Variants in PTPRG observed in about 807,000 individuals in gnomAD.
PTPRG encodes the protein protein tyrosine phosphatase receptor type G, also known as receptor-type tyrosine-protein phosphatase gamma.
In PTPRG, 102 loss-of-function variants were observed where a neutral mutation model predicts 165.3. The ratio of observed to expected loss-of-function variants is 0.62; its 90% confidence interval spans 0.53 to 0.73. The LOEUF (loss-of-function observed/expected upper bound fraction) is 0.73. Among genes scored for constraint, PTPRG ranks in the 30% least tolerant of loss-of-function variants. The pLI, the probability that PTPRG is intolerant of heterozygous loss-of-function variation, is 0.00. For missense variants in PTPRG, 1,866 were observed against 1,861.4 expected, an observed-to-expected ratio of 1.00 and a Z score of -0.05; for synonymous variants, 675 against 669.5, an observed-to-expected ratio of 1.01 and a Z score of -0.13.
chr3:62,043,160 G>A (rs147041690), intron 4 of PTPRG, among the ~76,000 whole-genome samples: 67 of 152,188 alleles, frequency 4.4e-4, no homozygotes, highest in Admixed American at 6.5e-4. Flanking sequence ...TGTTTAATTC[G>A]ATCACATAAA....
chr3:62,122,796 G>A (rs1458565711), intron 5 of PTPRG, among the ~76,000 whole-genome samples: 2 of 152,152 alleles, frequency 1.3e-5, no homozygotes, highest in South Asian at 2.1e-4. Context: ...CGGTGACATA[G>A]CAGCTGAGGT....
chr3:61,627,922 A>G (rs1425891061), intron 1 of PTPRG, among the ~76,000 whole-genome samples: 1 of 152,222 alleles, frequency 6.6e-6, no homozygotes, highest in Non-Finnish European at 1.5e-5. Flanking sequence ...ACCAAGCCAA[A>G]GGAAAATCTT....
chr3:62,099,699 G>A (rs1265040176), intron 5 of PTPRG, among the ~76,000 whole-genome samples: 1 of 150,872 alleles, frequency 6.6e-6, no homozygotes, highest in Admixed American at 6.6e-5. Context: ...TAGCAAACAC[G>A]TATATGGTTC....
In PTPRG at chr3:61,908,121, TAAAAAAAAAAAA is replaced by T. The variant is rs1183592777; in HGVS notation, c.191-81487_191-81476del. Among the ~76,000 whole-genome samples the T allele has an allele frequency of 1.9e-4, 13 of 67,152 alleles. No homozygotes were observed. The East Asian group carries it at 2.8e-3, about 15-fold the overall frequency. The allele number at this position is 67,152 out of a possible 152,430, so 44.1% of individuals were successfully genotyped here. ...GCGACAGAACAAGACCACCTCTCTTTAAAAAAAAAAAAAAAAAAAAAAAAAAAATCGGCCGGG... is the reference window on the plus strand; with the variant it reads ...GCGACAGAACAAGACCACCTCTCTTTAAAAAAAAAAAAAAAATCGGCCGGG... On this transcript the variant is annotated intron_variant, in intron 2 of 29. Transcript: ENST00000474889.
intron 23 of PTPRG, among the ~76,000 whole-genome samples, chr3:62,274,297 G>T (rs575875338): frequency 1.3e-5 from 2 of 152,214 alleles, no homozygotes; most frequent in Non-Finnish European, 2.9e-5. Flanking sequence ...CAATACTAGA[G>T]AAAAGTTAAC....
rs71123242 is a variant in PTPRG at position 61,945,560 on chromosome 3, CAAAAAAAA to C, written c.191-44043_191-44036del. On this transcript the variant is annotated intron_variant, in intron 2 of 29. Coordinates refer to ENST00000474889, the MANE Select transcript of PTPRG (RefSeq NM_002841.4). ...GGCAATAGGAATGAAACTCCGTCACCAAAAAAAAAAAAAAAAAAAAAAAAAAAAATGGA... is the reference window on the plus strand; with the variant it reads ...GGCAATAGGAATGAAACTCCGTCACCAAAAAAAAAAAAAAAAAAAAATGGA... Among the ~76,000 whole-genome samples the C allele has an allele frequency of 2.9e-3, 160 of 55,456 alleles. 1 individual carries two copies. Among genetic ancestry groups the C allele is most frequent in the African/African-American group, 0.011 (156 of 14,332 alleles). 36.4% of individuals were successfully genotyped at this position (55,456 alleles called of 152,430 possible). A position where few individuals can be genotyped will look rare whatever the true frequency, so the allele number is the denominator to read the frequency against.
intron 16 of PTPRG, among the ~76,000 whole-genome samples, chr3:62,260,711 T>C (rs1295468759): frequency 1.3e-5 from 2 of 152,158 alleles, no homozygotes; most frequent in African/African-American, 4.8e-5. Flanking sequence ...CCTGTTAACT[T>C]TGAAATGGCA....
At chr3:61,962,649 C>G (rs2107644851) in intron 2 of PTPRG, among the ~76,000 whole-genome samples, 1 of 152,194 alleles carries the variant, frequency 6.6e-6, no homozygotes, top group East Asian at 1.9e-4. Flanking sequence ...AATCAATAAG[C>G]TATATATTTT....
At chr3:62,023,775 A>G (rs767136982) in intron 4 of PTPRG, among the ~76,000 whole-genome samples, 7 of 152,162 alleles carry the variant, frequency 4.6e-5, no homozygotes, top group Non-Finnish European at 8.8e-5. Context: ...TTTTGAGGTG[A>G]GCATTAAAGA....
intron 4 of PTPRG, among the ~76,000 whole-genome samples, chr3:62,004,119 C>A (rs1262924490): frequency 6.6e-6 from 1 of 152,196 alleles, no homozygotes; most frequent in Non-Finnish European, 1.5e-5. Context: ...AGGGCGGGAG[C>A]ATGTCTCCAA....
rs1028450505 is a variant in PTPRG, at chr3:61,798,154, A to C, written c.190+49172A>C. Among the ~76,000 whole-genome samples the C allele has an allele frequency of 3.3e-5, 5 of 152,362 alleles. No homozygotes were observed. In the East Asian group the frequency reaches 9.6e-4, roughly 29 times the overall value. On this transcript the variant is annotated intron_variant, in intron 2 of 29. Transcript: ENST00000474889. ...TTATAGGAATAAACTCTCTTTCCAC[A>C]AAGATTAACCCTGCCCAGTATCATG...
intron 5 of PTPRG, among the ~76,000 whole-genome samples, chr3:62,088,717 A>C (rs533128794): frequency 6.6e-6 from 1 of 152,344 alleles, no homozygotes; most frequent in South Asian, 2.1e-4. Context: ...TTGAACTTGA[A>C]ATCAGCGAGA....
At position 62,273,687 on chromosome 3, in the gene PTPRG, G is replaced by A. The variant is rs748044201; in HGVS notation, c.3319-11G>A. The A allele has an allele frequency of 6.2e-7, 1 of 1,612,948 alleles. No homozygotes were observed. Among genetic ancestry groups the A allele is most frequent in the Non-Finnish European group, 8.5e-7 (1 of 1,179,168 alleles). On this transcript the variant is annotated splice_polypyrimidine_tract_variant and intron_variant, in intron 22 of 29. Transcript: ENST00000474889. The surrounding 1 kb of genome is among the most constrained non-coding windows in gnomAD (Gnocchi z 4.1). ...ACTCCCTCAGTGACTACCATGTATT[G>A]TACCTCTTAGGAGCAGTACATTTTC...
intron 3 of PTPRG, among the ~76,000 whole-genome samples, chr3:61,995,242 C>G (rs2041001158): frequency 6.6e-6 from 1 of 151,846 alleles, no homozygotes. Flanking sequence ...GTGCATGCCA[C>G]CAAGCCAAGT....
intron 4 of PTPRG, among the ~76,000 whole-genome samples, chr3:62,018,566 T>C (rs1395821120): frequency 6.6e-6 from 1 of 152,224 alleles, no homozygotes; most frequent in Non-Finnish European, 1.5e-5. Flanking sequence ...GAAATTCCAT[T>C]ATTTGAGTTA....
intron 2 of PTPRG, among the ~76,000 whole-genome samples, chr3:61,758,066 T>G (rs1198930798): frequency 6.6e-6 from 1 of 152,180 alleles, no homozygotes; most frequent in Non-Finnish European, 1.5e-5. Context: ...CTTTTTTCTT[T>G]CTTTTTTTCC....
chr3:61,751,984 C>A (rs1445588052), intron 2 of PTPRG, among the ~76,000 whole-genome samples: 3 of 151,798 alleles, frequency 2.0e-5, no homozygotes, highest in Admixed American at 6.6e-5. Context: ...ACATAGCATG[C>A]CTCTGTCTCA....
chr3:61,783,830 G>A (rs1217021284), intron 2 of PTPRG, among the ~76,000 whole-genome samples: 1 of 152,100 alleles, frequency 6.6e-6, no homozygotes, highest in African/African-American at 2.4e-5. Context: ...GCCTTGTCGT[G>A]GAGAGCCTTC....
intron 4 of PTPRG, among the ~76,000 whole-genome samples, chr3:62,052,932 T>C (rs891128361): frequency 6.6e-6 from 1 of 152,168 alleles, no homozygotes; most frequent in African/African-American, 2.4e-5. Flanking sequence ...TGCATATCGC[T>C]TTGTTGATAG....
Sources: allele counts gnomAD v4.1 joint callset (sites outside exome capture counted in the v4.1 genomes callset), GRCh38; gene constraint gnomAD v4.1.1; non-coding constraint Gnocchi (gnomAD v3.1); transcripts MANE v1.5; gene names NCBI Gene and HGNC (gene_info 2026-07-23, HGNC 2026-07-21).